LMNB1: variants seen among roughly 807,000 people sequenced by gnomAD.
The protein encoded by LMNB1 is lamin-B1.
Under a neutral mutation model 67.1 loss-of-function variants are expected in LMNB1, and 23 were observed. The observed-to-expected ratio is 0.34, with a 90% CI of 0.25 to 0.49. The LOEUF (loss-of-function observed/expected upper bound fraction) is 0.49, where lower values mean the gene tolerates loss of function less well. LMNB1 is among the 20% of genes least tolerant of loss of function. LMNB1 has a pLI of 0.99. For synonymous variants in LMNB1, 281 were observed against 282.9 expected, an observed-to-expected ratio of 0.99 and a Z score of 0.07; for missense variants, 634 against 746.5, an observed-to-expected ratio of 0.85 and a Z score of 1.76.
In LMNB1 at chr5:126,831,413, T is replaced by G. The variant is rs140846644; in HGVS notation, c.1612-1281T>G. Among the ~76,000 whole-genome samples the G allele has an allele frequency of 4.8e-3, 725 of 152,378 alleles. 6 individuals are homozygous for G. Among genetic ancestry groups the G allele is most frequent in the African/African-American group, 0.016 (675 of 41,590 alleles). ...ATTTTCCACAGGAAAGTAATCTGTA[T>G]TTGACCTTTTTAGTAGAAAATGGAA... On this transcript the variant is annotated intron_variant, in intron 9 of 10. Coordinates refer to ENST00000261366, the MANE Select transcript of LMNB1 (RefSeq NM_005573.4).
intron 3 of LMNB1, among the ~76,000 whole-genome samples, chr5:126,807,931 G>A (rs535559728): frequency 6.6e-6 from 1 of 152,090 alleles, no homozygotes; most frequent in African/African-American, 2.4e-5. Flanking sequence ...GAGTGCAGTA[G>A]TACGATCTTG....
intron 1 of LMNB1, among the ~76,000 whole-genome samples, chr5:126,799,713 A>G (rs1751216358): frequency 6.6e-6 from 1 of 152,154 alleles, no homozygotes; most frequent in Non-Finnish European, 1.5e-5. Context: ...GGATTAGGTA[A>G]ATATGTCTCA....
At chr5:126,824,356 A>G (rs7708419) in intron 8 of LMNB1, among the ~76,000 whole-genome samples, 31,072 of 152,172 alleles carry the variant, frequency 0.2, 3,331 homozygotes, top group East Asian at 0.31. Context: ...TTTAACATGT[A>G]ATCAGTCTAA....
At chr5:126,807,014 T>A (rs1012780828) in intron 3 of LMNB1, among the ~76,000 whole-genome samples, 1 of 152,154 alleles carries the variant, frequency 6.6e-6, no homozygotes, top group Non-Finnish European at 1.5e-5. Context: ...CCTGACCTTG[T>A]GATTGGCCCG....
intron 5 of LMNB1, among the ~76,000 whole-genome samples, chr5:126,812,796 T>A (rs1751611982): frequency 6.7e-6 from 1 of 148,910 alleles, no homozygotes; most frequent in East Asian, 2.0e-4. Context: ...AGTGGTACGA[T>A]CTCGGCTCAC....
chr5:126,780,420 A>C (rs1750603424), intron 1 of LMNB1, among the ~76,000 whole-genome samples: 1 of 152,182 alleles, frequency 6.6e-6, no homozygotes, highest in Non-Finnish European at 1.5e-5. Context: ...GAGGTTTTTC[A>C]CACAGTAACA....
At chr5:126,817,182 T>C (rs1413836478) in intron 5 of LMNB1, among the ~76,000 whole-genome samples, 2 of 152,354 alleles carry the variant, frequency 1.3e-5, no homozygotes, top group South Asian at 2.1e-4. Context: ...GCTTAAATTG[T>C]TTCATATTTG....
chr5:126,805,561 C>A lies in LMNB1; in HGVS notation c.517-10C>A. The A allele has an allele frequency of 6.4e-7, 1 of 1,574,148 alleles. No individual in the cohort carries two copies. Among genetic ancestry groups the A allele is most frequent in the Non-Finnish European group, 8.7e-7 (1 of 1,151,526 alleles). ...GTAATTTTTATCACAATTCTTTTTCCTTGTAATAGTTGGAAGCCTCCTTAG... is the reference window on the plus strand; with the variant it reads ...GTAATTTTTATCACAATTCTTTTTCATTGTAATAGTTGGAAGCCTCCTTAG... On this transcript the variant is annotated splice_polypyrimidine_tract_variant and intron_variant, in intron 2 of 10. Coordinates refer to ENST00000261366, the MANE Select transcript of LMNB1 (RefSeq NM_005573.4).
chr5:126,785,106 A>G (rs1267345727), intron 1 of LMNB1, among the ~76,000 whole-genome samples: 1 of 150,346 alleles, frequency 6.7e-6, no homozygotes. Context: ...CAGCCTCCCA[A>G]ATATCTGGGA....
At position 126,778,702 on chromosome 5, in the gene LMNB1, G is replaced by A. The variant is rs114764143; in HGVS notation, c.359+835G>A. On this transcript the variant is annotated intron_variant, in intron 1 of 10. Coordinates refer to ENST00000261366, the MANE Select transcript of LMNB1 (RefSeq NM_005573.4). ...TTGCGGTTCTCCTACCCCTCAGGCAGCGGCCCTCTGTCCCCAGCTTTTGCC... is the reference window on the plus strand; with the variant it reads ...TTGCGGTTCTCCTACCCCTCAGGCAACGGCCCTCTGTCCCCAGCTTTTGCC... Among the ~76,000 whole-genome samples, 1,453 of 152,242 alleles carry A rather than the reference G, an allele frequency of 9.5e-3. 26 individuals carry two copies. The highest frequency in any genetic ancestry group is 0.033 in the African/African-American group (1,371 of 41,552).
chr5:126,786,437 GC>G (rs1580525679), intron 1 of LMNB1, among the ~76,000 whole-genome samples: 1 of 152,120 alleles, frequency 6.6e-6, no homozygotes, highest in East Asian at 1.9e-4. Context: ...TATCTTTTAA[GC>G]TCATGATAAC....
intron 1 of LMNB1, among the ~76,000 whole-genome samples, chr5:126,794,498 G>T (rs753751395): frequency 6.6e-6 from 1 of 152,142 alleles, no homozygotes. Context: ...TTCTCTAAAG[G>T]TCTGGAGCAT....
chr5:126,825,931 G>A (rs757449093), intron 8 of LMNB1, 57 bp from the exon 9 acceptor site: 192 of 1,610,540 alleles, frequency 1.2e-4, no homozygotes, highest in African/African-American at 9.2e-4. Context: ...CATTGCTGTC[G>A]TTGGCGTGTG....
At chr5:126,799,760 T>C (rs557183595) in intron 1 of LMNB1, among the ~76,000 whole-genome samples, 1 of 152,346 alleles carries the variant, frequency 6.6e-6, no homozygotes, top group South Asian at 2.1e-4. Context: ...CCGCACCGTC[T>C]CGAAACTCTC....
chr5:126,817,404 G>A (rs1243153410), intron 5 of LMNB1, among the ~76,000 whole-genome samples: 1 of 152,180 alleles, frequency 6.6e-6, no homozygotes, highest in Non-Finnish European at 1.5e-5. Context: ...CACTGGTACT[G>A]GGTATCACTG....
At chr5:126,797,019 C>A (rs1013082669) in intron 1 of LMNB1, among the ~76,000 whole-genome samples, 2 of 152,184 alleles carry the variant, frequency 1.3e-5, no homozygotes, top group African/African-American at 4.8e-5. Context: ...GAACTCCTGG[C>A]CTCATATGAT....
intron 3 of LMNB1, among the ~76,000 whole-genome samples, chr5:126,807,065 C>T (rs1751460906): frequency 6.6e-6 from 1 of 152,322 alleles, no homozygotes; most frequent in South Asian, 2.1e-4. Context: ...GCGTGAGCCA[C>T]CGTGCCCGGC....
intron 1 of LMNB1, among the ~76,000 whole-genome samples, chr5:126,792,165 C>CAG (rs1164104336): frequency 3.0e-5 from 4 of 132,712 alleles, no homozygotes; most frequent in Non-Finnish European, 6.2e-5. Context: ...TTTTTGGAGA[C>CAG]AGAGTCTTAC....
At chr5:126,835,582 A>G (rs1752230801) in intron 10 of LMNB1, among the ~76,000 whole-genome samples, 1 of 152,204 alleles carries the variant, frequency 6.6e-6, no homozygotes, top group Admixed American at 6.5e-5. Flanking sequence ...TTATTGAACA[A>G]TGGTTTTCAA....
Sources: gnomAD v4.1 joint callset for allele counts (sites outside exome capture counted in the v4.1 genomes callset) on GRCh38, gnomAD v4.1.1 for gene constraint, MANE v1.5 for transcripts, NCBI Gene and HGNC (gene_info 2026-07-23, HGNC 2026-07-21) for gene names.